Variants in RAB6B observed in about 807,000 individuals in gnomAD.
RAB6B encodes ras-related protein Rab-6B.
Under a neutral mutation model 31.2 loss-of-function variants are expected in RAB6B, and 7 were observed. The ratio of observed to expected loss-of-function variants is 0.22; its 90% CI spans 0.13 to 0.42. RAB6B has a LOEUF of 0.42. RAB6B is among the 10% of genes least tolerant of loss of function. The pLI, the probability that RAB6B is intolerant of heterozygous loss-of-function variation, is 1.00. For synonymous variants in RAB6B, 105 were observed against 104.9 expected, an observed-to-expected ratio of 1.00 and a Z score of -0.01; for missense variants, 149 against 280.6, an observed-to-expected ratio of 0.53 and a Z score of 3.35.
rs567708575 is a variant in RAB6B at position 133,824,687 on chromosome 3, T to G, written c.*4101A>C. 1 of 151,966 alleles carries G rather than the reference T, an allele frequency of 6.6e-6. No homozygotes were observed. Among genetic ancestry groups the G allele is most frequent in the Admixed American group, 6.5e-5 (1 of 15,274 alleles). 9.4% of individuals were successfully genotyped at this position (151,966 alleles called of 1,614,324 possible). On this transcript the variant is annotated 3_prime_UTR_variant, in exon 8 of 8. Coordinates refer to ENST00000285208, the MANE Select transcript of RAB6B (RefSeq NM_016577.4). ...GGGTGCCCATGACAATCAATCAGAG[T>G]AGACTTGGGGACTGGCCCTTGTGCA... is the stretch of plus-strand genomic sequence containing the variant.
intron 2 of RAB6B, among the ~76,000 whole-genome samples, chr3:133,843,061 C>T (rs1340540112): frequency 1.3e-5 from 2 of 152,242 alleles, no homozygotes; most frequent in Non-Finnish European, 2.9e-5. Context: ...CAGTCACACT[C>T]CCAACTCGTT....
rs9283587 is a variant in RAB6B, at chr3:133,889,408, A to T, written c.70+5989T>A. Among the ~76,000 whole-genome samples the T allele has an allele frequency of 3.4e-4, 14 of 41,584 alleles. 1 individual carries two copies. The highest frequency in any genetic ancestry group is 8.1e-4 in the Admixed American group (4 of 4,952). The allele number at this position is 41,584 out of a possible 152,430, so 27.3% of individuals were successfully genotyped here. On this transcript the variant is annotated intron_variant, in intron 1 of 7. Coordinates refer to ENST00000285208, the MANE Select transcript of RAB6B (RefSeq NM_016577.4). The stretch of plus-strand genomic sequence containing the variant: ...TTTTGTTATATATATATATATATAT[A>T]TATATATATATATATATATATATAT...
At position 133,826,123 on chromosome 3, in the gene RAB6B, C is replaced by T. The variant is rs1935558606; in HGVS notation, c.*2665G>A. On this transcript the variant is annotated 3_prime_UTR_variant, in exon 8 of 8. Coordinates refer to ENST00000285208, the MANE Select transcript of RAB6B (RefSeq NM_016577.4). Reference sequence around the variant, plus strand: ...CACCCCAGGAAGGGAGGGGCGGAAACCGCACGTGCCGAAGGGAGCGCCATG... The same window carrying T: ...CACCCCAGGAAGGGAGGGGCGGAAATCGCACGTGCCGAAGGGAGCGCCATG... 6.6e-6 allele frequency: 1 copy of T among 152,206 alleles called. No individual in the cohort carries two copies. Among genetic ancestry groups the T allele is most frequent in the African/African-American group, 2.4e-5 (1 of 41,444 alleles). The allele number at this position is 152,206 out of a possible 1,614,324, so 9.4% of individuals were successfully genotyped here.
chr3:133,858,486 T>C (rs548725178), intron 2 of RAB6B, among the ~76,000 whole-genome samples: 39 of 152,250 alleles, frequency 2.6e-4, no homozygotes, highest in Admixed American at 4.6e-4. Flanking sequence ...GTAGGCACAA[T>C]TGGCTTCTTG....
In RAB6B at chr3:133,828,231, G is replaced by A. The variant is rs1935603391; in HGVS notation, c.*557C>T. On this transcript the variant is annotated 3_prime_UTR_variant, in exon 8 of 8. Coordinates refer to ENST00000285208, the MANE Select transcript of RAB6B (RefSeq NM_016577.4). ...CAGAGCTACCTTTTCAGAGGCTGAT[G>A]TGTTCAACCAATGTTTGATTTAACT... 1.9e-6 allele frequency: 1 copy of A among 536,462 alleles called. No individual in the cohort carries two copies. The highest frequency in any genetic ancestry group is 2.3e-5 in the South Asian group (1 of 43,618). 33.2% of individuals were successfully genotyped at this position (536,462 alleles called of 1,614,324 possible). A position where few individuals can be genotyped will look rare whatever the true frequency, so the allele number is the denominator to read the frequency against.
intron 7 of RAB6B, among the ~76,000 whole-genome samples, chr3:133,833,253 C>T (rs901785234): frequency 6.6e-6 from 1 of 152,126 alleles, no homozygotes; most frequent in Admixed American, 6.5e-5. Context: ...TACTGAGAGC[C>T]GTGGGGTGCC....
intron 1 of RAB6B, among the ~76,000 whole-genome samples, chr3:133,891,927 T>A (rs776392608): frequency 5.3e-5 from 8 of 152,074 alleles, no homozygotes; most frequent in Middle Eastern, 3.2e-3. Context: ...TCTTCCTGCT[T>A]TTGCTGGAAG....
At position 133,827,746 on chromosome 3, in the gene RAB6B, A is replaced by ACCACCCCCCCCCCCCCCCCC. The variant is rs1559896922; in HGVS notation, c.*1041_*1042insGGGGGGGGGGGGGGGGGTGG. 1.4e-5 allele frequency: 1 copy of ACCACCCCCCCCCCCCCCCCC among 72,636 alleles called. No individual in the cohort carries two copies. Among genetic ancestry groups the ACCACCCCCCCCCCCCCCCCC allele is most frequent in the Admixed American group, 2.1e-4 (1 of 4,772 alleles). 4.5% of individuals were successfully genotyped at this position (72,636 alleles called of 1,614,324 possible). A position where few individuals can be genotyped will look rare whatever the true frequency, so the allele number is the denominator to read the frequency against. On this transcript the variant is annotated 3_prime_UTR_variant, in exon 8 of 8. Transcript: ENST00000285208. ...TCAAGGTGGTGGTTCTGCAGACAAC[A>ACCACCCCCCCCCCCCCCCCC]CCCCCCCCCCCCCCCGCCTCCCCAT...
chr3:133,857,426 GA>G (rs71136497), intron 2 of RAB6B, among the ~76,000 whole-genome samples: 11,246 of 119,674 alleles, frequency 0.094, 840 homozygotes, highest in African/African-American at 0.24. Context: ...TTTTTGAAGG[GA>G]AAAAAAAAAA....
chr3:133,889,374 A>T (rs1936597513), intron 1 of RAB6B, among the ~76,000 whole-genome samples: 1 of 135,660 alleles, frequency 7.4e-6, no homozygotes, highest in Non-Finnish European at 1.6e-5. Flanking sequence ...CAAAAGGACA[A>T]TAAGGTTATT....
At chr3:133,862,499 G>A (rs1034474665) in intron 2 of RAB6B, among the ~76,000 whole-genome samples, 1 of 152,206 alleles carries the variant, frequency 6.6e-6, no homozygotes, top group South Asian at 2.1e-4. Flanking sequence ...AAAGGGCCTC[G>A]CTGCTCAGAC....
intron 2 of RAB6B, among the ~76,000 whole-genome samples, chr3:133,846,029 C>T (rs1475873481): frequency 6.6e-6 from 1 of 152,152 alleles, no homozygotes; most frequent in Non-Finnish European, 1.5e-5. Flanking sequence ...CAGAGGAAAG[C>T]TCAGTGAACC....
At chr3:133,845,044 C>T (rs1935888387) in intron 2 of RAB6B, among the ~76,000 whole-genome samples, 1 of 152,096 alleles carries the variant, frequency 6.6e-6, no homozygotes, top group Non-Finnish European at 1.5e-5. Flanking sequence ...GACGAAACTC[C>T]CCAGTCCCAC....
At chr3:133,855,580 C>T (rs1392722049) in intron 2 of RAB6B, among the ~76,000 whole-genome samples, 3 of 152,214 alleles carry the variant, frequency 2.0e-5, no homozygotes, top group Non-Finnish European at 4.4e-5. Flanking sequence ...CCTGAAGCTC[C>T]CTGAGAGGCC....
intron 1 of RAB6B, among the ~76,000 whole-genome samples, chr3:133,881,862 A>G (rs1004331480): frequency 2.6e-5 from 4 of 152,228 alleles, no homozygotes; most frequent in Admixed American, 2.6e-4. Context: ...TTCCTCTAAA[A>G]TCTTCACCCT....
At chr3:133,828,919 A>G (rs1935615933) in intron 7 of RAB6B, 67 bp from the exon 8 acceptor site, 6 of 1,394,460 alleles carry the variant, frequency 4.3e-6, no homozygotes, top group Non-Finnish European at 5.9e-6. Flanking sequence ...AGCCCTGTGC[A>G]CTGTACCCTT....
chr3:133,839,396 C>T, intron 5 of RAB6B, 110 bp downstream of exon 5: 1 of 937,912 alleles, frequency 1.1e-6, no homozygotes, highest in South Asian at 1.4e-5. Flanking sequence ...TTTCCGGATG[C>T]ATGGTCAGAA....
chr3:133,844,496 C>G (rs565753449), intron 2 of RAB6B, among the ~76,000 whole-genome samples: 1 of 152,330 alleles, frequency 6.6e-6, no homozygotes, highest in South Asian at 2.1e-4. Context: ...TGTAACTGAG[C>G]CCTCAGCTCT....
chr3:133,889,132 T>C (rs1936594174), intron 1 of RAB6B, among the ~76,000 whole-genome samples: 1 of 152,030 alleles, frequency 6.6e-6, no homozygotes, highest in Non-Finnish European at 1.5e-5. Context: ...TTCTGTCCAA[T>C]AATTTCCCAA....
Sources: allele counts gnomAD v4.1 joint callset (sites outside exome capture counted in the v4.1 genomes callset), GRCh38; gene constraint gnomAD v4.1.1; transcripts MANE v1.5; gene names NCBI Gene and HGNC (gene_info 2026-07-23, HGNC 2026-07-21).